Variants in FERMT1 observed in about 807,000 individuals in gnomAD.
FERMT1 encodes the protein FERM domain containing kindlin 1.
A neutral mutation model predicts 85.3 loss-of-function variants in FERMT1; 60 were observed. The observed-to-expected ratio is 0.70, with a 90% CI of 0.57 to 0.87. The LOEUF is 0.87. Ranked by LOEUF, FERMT1 falls within the 40% of genes least tolerant of loss-of-function variation. The pLI is 0.00. For missense variants in FERMT1, 701 were observed against 818.9 expected (o/e 0.86, Z 1.76); for synonymous variants, 275 against 301.1 (o/e 0.91, Z 0.90).
At chr20:6,079,223 A>T (rs954377017) in intron 14 of FERMT1, among the ~76,000 whole-genome samples, 1 of 152,242 alleles carries the variant, frequency 6.6e-6, no homozygotes, top group African/African-American at 2.4e-5. Flanking sequence ...GACTAAGCCA[A>T]CTTGCAGTGC....
Position 6,115,872 on chromosome 20 carries a change from C to A in FERMT1, c.324G>T (p.Arg108Ser). The A allele has an allele frequency of 6.2e-7, 1 of 1,614,168 alleles. No homozygotes were observed. The highest frequency in any genetic ancestry group is 8.5e-7 in the Non-Finnish European group (1 of 1,180,028). Residue 108 changes from arginine to serine, a missense_variant, in exon 3 of 15, where the codon AGG (arginine) becomes AGT (serine). Transcript: ENST00000217289. ...RLRLPNLKMV[R>S]LRVSFSAVVF... ...CCACAGCTGAGAAGCTGACTCGCAA[C>A]CTCACCATCTTCAAATTCGGCAGAC...
chr20:6,097,661 A>G lies in FERMT1; in HGVS notation c.850-30T>C, dbSNP rs752141441. ...AGACAAAAACAGAGGTGTGTGTGTA[A>G]TGAGGTATATTTATATCCCACAATA... On this transcript the variant is annotated intron_variant, in intron 6 of 14. Transcript: ENST00000217289. 6.5e-6 allele frequency: 9 copies of G among 1,390,680 alleles called. No individual in the cohort carries two copies. The Admixed American group carries it at 1.0e-4, about 16-fold the overall frequency. 86.1% of individuals were successfully genotyped at this position (1,390,680 alleles called of 1,614,324 possible). A position where few individuals can be genotyped will look rare whatever the true frequency, so the allele number is the denominator to read the frequency against.
At chr20:6,091,838 G>A (rs2123111117) in intron 9 of FERMT1, among the ~76,000 whole-genome samples, 1 of 152,278 alleles carries the variant, frequency 6.6e-6, no homozygotes, top group East Asian at 1.9e-4. Context: ...ATGCAGCAAA[G>A]CCTGGGGCAG....
Position 6,085,105 on chromosome 20 carries a change from A to G in FERMT1, c.1554T>C (p.Phe518=). 1 of 1,614,222 alleles carries G rather than the reference A, an allele frequency of 6.2e-7. No individual in the cohort carries two copies. Among genetic ancestry groups the G allele is most frequent in the South Asian group, 1.1e-5 (1 of 91,084 alleles). Reference sequence around the variant, plus strand: ...GTCTTTTTGCACACCGTGGTGACACAAAACATTCTGGGTTCATATCCATGT... The same window carrying G: ...GTCTTTTTGCACACCGTGGTGACACGAAACATTCTGGGTTCATATCCATGT... ...LENMDMNPEC[F]VSPRCAKRHK... Residue 518 remains phenylalanine (F), a synonymous_variant, in exon 12 of 15, where the codon TTT becomes TTC. Transcript: ENST00000217289.
chr20:6,096,977 G>A lies in FERMT1; in HGVS notation c.1014C>T (p.Ser338=), dbSNP rs138986656. Residue 338 remains serine, a synonymous_variant, in exon 8 of 15, where the codon TCC becomes TCT. Coordinates refer to ENST00000217289, the MANE Select transcript of FERMT1 (RefSeq NM_017671.5). The part of the protein sequence containing the change: ...SAETQDFAGE[S]EVDEIEAALS... The stretch of plus-strand genomic sequence containing the variant: ...GCGCCGCTTCTATTTCATCAACCTC[G>A]GACTCGCCTGCAAAATCCTGTGTTT... 2.7e-3 allele frequency: 4,305 copies of A among 1,613,772 alleles called. 14 individuals carry two copies. The highest frequency in any genetic ancestry group is 3.1e-3 in the Non-Finnish European group (3,684 of 1,179,898).
In FERMT1 at chr20:6,077,340, T is replaced by A; in HGVS notation, c.1867A>T (p.Ile623Phe). ...NVNWETRQVV[I>F]EFDQNVFTAF... ...GTAAAGACGTTTTGGTCAAACTCGA[T>A]GACCACCTGGAAGAGGAAGGCACAG... The change falls in exon 15 of 15, where the codon ATC becomes TTC. Residue 623 changes from isoleucine to phenylalanine, a missense_variant. Physicochemically the swap from Ile to Phe is conservative, Grantham distance 21. Transcript: ENST00000217289. 6.2e-7 allele frequency: 1 copy of A among 1,614,110 alleles called. No individual in the cohort carries two copies.
intron 13 of FERMT1, among the ~76,000 whole-genome samples, chr20:6,080,077 G>GGATAT (rs1243414970): frequency 6.6e-5 from 10 of 152,170 alleles, no homozygotes; most frequent in African/African-American, 2.4e-4. Context: ...ATCAAAAAAT[G>GGATAT]GATATGCATG....
At chr20:6,081,975 G>A (rs994200208) in intron 13 of FERMT1, among the ~76,000 whole-genome samples, 8 of 152,044 alleles carry the variant, frequency 5.3e-5, no homozygotes, top group African/African-American at 1.9e-4. Flanking sequence ...AGTTCCCTGG[G>A]CTGCTCTCCA....
intron 7 of FERMT1, 124 bp downstream of exon 7, chr20:6,097,400 G>T: frequency 1.3e-6 from 1 of 751,312 alleles, no homozygotes; most frequent in Non-Finnish European, 2.3e-6. Context: ...GAAAACAATT[G>T]CTCTCCTTAT....
intron 7 of FERMT1, 90 bp downstream of exon 7, chr20:6,097,434 A>T: frequency 1.1e-6 from 1 of 883,440 alleles, no homozygotes; most frequent in South Asian, 1.4e-5. Flanking sequence ...TTCAAAGAAC[A>T]AAAAAAAACC....
Position 6,096,854 on chromosome 20 carries a change from T to G in FERMT1, c.1089+48A>C, listed in dbSNP as rs16991840. On this transcript the variant is annotated intron_variant, in intron 8 of 14. Coordinates refer to ENST00000217289, the MANE Select transcript of FERMT1 (RefSeq NM_017671.5). Reference sequence around the variant, plus strand: ...ATAAAGAAAAGTTCATTTATACTTGTCAATCAGAAGAAAGCCACAGTTCTG... The same window carrying G: ...ATAAAGAAAAGTTCATTTATACTTGGCAATCAGAAGAAAGCCACAGTTCTG... 0.069 allele frequency: 109,194 copies of G among 1,574,308 alleles called. 8,603 individuals carry two copies. Among genetic ancestry groups the G allele is most frequent in the East Asian group, 0.48 (20,556 of 42,834 alleles).
chr20:6,098,034 A>G (rs2208079), intron 6 of FERMT1, among the ~76,000 whole-genome samples: 13,032 of 151,938 alleles, frequency 0.086, 1,094 homozygotes, highest in East Asian at 0.47. Context: ...GGCTGGTCTC[A>G]AACTCCTGTG....
chr20:6,097,514 G>T lies in FERMT1; in HGVS notation c.957+10C>A, dbSNP rs368444538. ...CTCCTTCCAGAGAAAAGGTACTGAA[G>T]TTCCCATACCTGTAGAGCTGCAAAG... On this transcript the variant is annotated intron_variant, in intron 7 of 14. Coordinates refer to ENST00000217289, the MANE Select transcript of FERMT1 (RefSeq NM_017671.5). 1.4e-4 allele frequency: 227 copies of T among 1,589,246 alleles called. No homozygotes were observed. Among genetic ancestry groups the T allele is most frequent in the Non-Finnish European group, 1.4e-4 (161 of 1,157,510 alleles).
chr20:6,084,745 G>A (rs1383745609), intron 12 of FERMT1, among the ~76,000 whole-genome samples: 1 of 149,940 alleles, frequency 6.7e-6, no homozygotes, highest in Non-Finnish European at 1.5e-5. Context: ...CCTGGCTAGA[G>A]TGCAGTGGTG....
intron 7 of FERMT1, 134 bp from the exon 8 acceptor site, chr20:6,097,167 C>T: frequency 1.1e-6 from 1 of 906,534 alleles, no homozygotes; most frequent in Non-Finnish European, 1.8e-6. Context: ...AGGTCTCCTT[C>T]CCGTGTGGGG....
At chr20:6,086,068 G>T (rs1469465424) in intron 11 of FERMT1, among the ~76,000 whole-genome samples, 3 of 151,936 alleles carry the variant, frequency 2.0e-5, no homozygotes, top group African/African-American at 4.8e-5. Flanking sequence ...CTTGAACCTG[G>T]GAGGTGGAGG....
At chr20:6,122,367 A>T (rs1205049287) in intron 1 of FERMT1, among the ~76,000 whole-genome samples, 1 of 152,242 alleles carries the variant, frequency 6.6e-6, no homozygotes, top group African/African-American at 2.4e-5. Flanking sequence ...CTTCGCAGAC[A>T]GTCAAAGAAA....
At chr20:6,089,468 C>A (rs977128144) in intron 9 of FERMT1, among the ~76,000 whole-genome samples, 1 of 152,180 alleles carries the variant, frequency 6.6e-6, no homozygotes, top group African/African-American at 2.4e-5. Flanking sequence ...ACACCTGATG[C>A]AACTGAAGTG....
At chr20:6,084,970 G>A in intron 12 of FERMT1, 96 bp downstream of exon 12, 3 of 1,209,412 alleles carry the variant, frequency 2.5e-6, no homozygotes, top group Non-Finnish European at 3.7e-6. Flanking sequence ...TGGAATTACA[G>A]GTGTGAGCCA....
Sources: gnomAD v4.1 joint callset for allele counts (sites outside exome capture counted in the v4.1 genomes callset) on GRCh38, gnomAD v4.1.1 for gene constraint, MANE v1.5 for transcripts, NCBI Gene and HGNC (gene_info 2026-07-23, HGNC 2026-07-21) for gene names.